DMXL1: variants seen among roughly 807,000 people sequenced by gnomAD.
The protein encoded by DMXL1 is dmX-like protein 1.
In DMXL1, 99 loss-of-function variants were observed where a neutral mutation model predicts 319.2. The observed-to-expected ratio is 0.31, with a 90% CI of 0.26 to 0.37. The LOEUF (loss-of-function observed/expected upper bound fraction) is 0.37, where lower values mean the gene tolerates loss of function less well. Among genes scored for constraint, DMXL1 ranks in the 10% least tolerant of loss-of-function variants. DMXL1 has a pLI of 1.00. For synonymous variants in DMXL1, 1,385 were observed against 1,235.2 expected (o/e 1.12, Z -2.54); for missense variants, 3,745 against 3,595.6 (o/e 1.04, Z -1.06).
chr5:119,089,036 C>T (rs967318549), intron 1 of DMXL1, among the ~76,000 whole-genome samples: 7 of 151,166 alleles, frequency 4.6e-5, no homozygotes, highest in African/African-American at 1.7e-4. Flanking sequence ...GAAGAACTCC[C>T]TTTAGCATTT....
intron 40 of DMXL1, 116 bp from the exon 41 acceptor site, chr5:119,238,873 G>A (rs945996872): frequency 1.7e-5 from 25 of 1,466,384 alleles, no homozygotes; most frequent in East Asian, 2.5e-5. Flanking sequence ...GGAAAAAAAC[G>A]ATACAGAGGA....
chr5:119,210,830 C>A (rs1239401033), intron 34 of DMXL1, among the ~76,000 whole-genome samples: 2 of 131,956 alleles, frequency 1.5e-5, no homozygotes, highest in Non-Finnish European at 3.1e-5. Flanking sequence ...GAAGTGATCA[C>A]CAGCAGACAT....
chr5:119,170,978 C>G lies in DMXL1; in HGVS notation c.6187C>G (p.Leu2063Val). The G allele has an allele frequency of 6.2e-7, 1 of 1,613,786 alleles. No homozygotes were observed. The highest frequency in any genetic ancestry group is 8.5e-7 in the Non-Finnish European group (1 of 1,179,888). The part of the protein sequence containing the change: ...GKLRYQLYHW[L>V]EKEVIALQRT... ...ATTGCGTTACCAACTATACCACTGGCTTGAAAAAGAGGTGATAGCTCTTCA... is the reference window on the plus strand; with the variant it reads ...ATTGCGTTACCAACTATACCACTGGGTTGAAAAAGAGGTGATAGCTCTTCA... Residue 2063 changes from leucine to valine, a missense_variant, in exon 24 of 44, where the codon CTT (leucine) becomes GTT (valine). This residue lies in a region of DMXL1 where 1,382 missense variants were observed against 1,269.5 expected (regional missense o/e 1.09). Transcript: ENST00000539542.
intron 8 of DMXL1, among the ~76,000 whole-genome samples, chr5:119,119,768 C>T (rs1761634576): frequency 6.6e-6 from 1 of 152,152 alleles, no homozygotes; most frequent in South Asian, 2.1e-4. Flanking sequence ...GCCTCGGCCT[C>T]CCAAAGGACT....
chr5:119,212,506 A>G (rs536386114), intron 34 of DMXL1, among the ~76,000 whole-genome samples: 3 of 152,326 alleles, frequency 2.0e-5, no homozygotes, highest in Admixed American at 6.5e-5. Flanking sequence ...TAATGGTGCT[A>G]TGAACATTGA....
At chr5:119,090,707 C>T (rs1219619199) in intron 1 of DMXL1, among the ~76,000 whole-genome samples, 2 of 151,736 alleles carry the variant, frequency 1.3e-5, no homozygotes, top group Non-Finnish European at 2.9e-5. Flanking sequence ...GGATTACCGG[C>T]GCCTGCTACC....
At chr5:119,134,428 T>A in intron 13 of DMXL1, 39 bp downstream of exon 13, 1 of 1,511,458 alleles carries the variant, frequency 6.6e-7, no homozygotes, top group South Asian at 1.2e-5. Context: ...GTATATAATA[T>A]TATGTTTTCA....
rs577898951 is a variant in DMXL1, at chr5:119,089,263, C to CAT, written c.88-8704_88-8703dup. Among the ~76,000 whole-genome samples the CAT allele has an allele frequency of 5.1e-3, 415 of 80,840 alleles. 5 individuals carry two copies. The highest frequency in any genetic ancestry group is 0.037 in the South Asian group (63 of 1,724). The allele number at this position is 80,840 out of a possible 152,430, so 53.0% of individuals were successfully genotyped here. Reference sequence around the variant, plus strand: ...ACAAATTGGAGCTCCATTATATATGCATATATATATATACATATATATATA... The same window carrying CAT: ...ACAAATTGGAGCTCCATTATATATGCATATATATATATATACATATATATATA... On this transcript the variant is annotated intron_variant, in intron 1 of 43. Transcript: ENST00000539542.
Position 119,170,624 on chromosome 5 carries a change from A to T in DMXL1, c.5833A>T (p.Asn1945Tyr). ...AGAGGGTTCCTCAGAGAAGCAATCA[A>T]ACTCCACTCTTTCTTTTGACTGGAG... ...SSEGSSEKQS[N>Y]STLSFDWSQP... Residue 1945 changes from asparagine to tyrosine, a missense_variant, in exon 24 of 44, where the codon AAC (asparagine) becomes TAC (tyrosine). By Grantham distance (143) the Asn-to-Tyr change is moderately radical. Coordinates refer to ENST00000539542, the MANE Select transcript of DMXL1 (RefSeq NM_001290321.3). 2 of 1,613,806 alleles carry T rather than the reference A, an allele frequency of 1.2e-6. No homozygotes were observed. Among genetic ancestry groups the T allele is most frequent in the East Asian group, 2.2e-5 (1 of 44,852 alleles).
intron 13 of DMXL1, among the ~76,000 whole-genome samples, chr5:119,143,396 G>A (rs1273172761): frequency 6.6e-6 from 1 of 151,954 alleles, no homozygotes; most frequent in Non-Finnish European, 1.5e-5. Flanking sequence ...TTTGAAAATA[G>A]ACCACTGAAT....
intron 15 of DMXL1, among the ~76,000 whole-genome samples, chr5:119,146,600 T>G (rs904555657): frequency 2.6e-5 from 4 of 152,048 alleles, no homozygotes; most frequent in African/African-American, 9.7e-5. Flanking sequence ...TGATGATGAC[T>G]GTAAACCTAT....
In DMXL1 at chr5:119,150,109, A is replaced by G; in HGVS notation, c.4282A>G (p.Asn1428Asp). Residue 1428 changes from asparagine (N) to aspartate (D), a missense_variant, in exon 18 of 44, where the codon AAT (asparagine) becomes GAT (aspartate). Physicochemically the swap from Asn to Asp is conservative, Grantham distance 23 (BLOSUM62 1). This residue lies in a region of DMXL1 where 2,096 missense variants were observed against 1,985.4 expected (regional missense o/e 1.06). Transcript: ENST00000539542. ...TTACTCATCTTTGGAGAAATCTAGT[A>G]ATGAGAGTACGTTAAGTAAATCAAA... Reference protein sequence around the residue: ...SCYSSLEKSSNESTLSKSNQL... With the variant: ...SCYSSLEKSSDESTLSKSNQL... 6.2e-7 allele frequency: 1 copy of G among 1,613,820 alleles called. No homozygotes were observed.
At chr5:119,081,004 C>G (rs1298309832) in intron 1 of DMXL1, among the ~76,000 whole-genome samples, 3 of 152,184 alleles carry the variant, frequency 2.0e-5, no homozygotes, top group Non-Finnish European at 2.9e-5. Flanking sequence ...GATGATCTTC[C>G]TATTTGTAGC....
chr5:119,238,456 TTGA>T (rs1788149219), intron 40 of DMXL1, among the ~76,000 whole-genome samples: 1 of 152,200 alleles, frequency 6.6e-6, no homozygotes, highest in Non-Finnish European at 1.5e-5. Context: ...TTTTCTAATT[TTGA>T]TGACTATTAG....
chr5:119,107,197 C>T (rs1051197160), intron 4 of DMXL1, among the ~76,000 whole-genome samples: 1 of 151,748 alleles, frequency 6.6e-6, no homozygotes, highest in African/African-American at 2.4e-5. Context: ...AAAAGTTAGT[C>T]AGGCTTGGTG....
At chr5:119,091,704 C>T (rs975904532) in intron 1 of DMXL1, among the ~76,000 whole-genome samples, 13 of 152,134 alleles carry the variant, frequency 8.5e-5, no homozygotes, top group African/African-American at 3.1e-4. Flanking sequence ...CATCAAAGGG[C>T]TGCCGTTCCT....
chr5:119,240,552 T>C, intron 42 of DMXL1, 81 bp downstream of exon 42: 1 of 1,008,774 alleles, frequency 9.9e-7, no homozygotes, highest in South Asian at 1.4e-5. Context: ...GATTTGTTAC[T>C]GATGACACAT....
chr5:119,071,692 G>A, intron 1 of DMXL1, 36 bp downstream of exon 1: 2 of 1,546,590 alleles, frequency 1.3e-6, no homozygotes, highest in Non-Finnish European at 1.7e-6. Context: ...CCCGTGGCCC[G>A]GCCTTTGCCC....
At chr5:119,172,648 T>A (rs1282291637) in intron 25 of DMXL1, among the ~76,000 whole-genome samples, 1 of 152,250 alleles carries the variant, frequency 6.6e-6, no homozygotes, top group South Asian at 2.1e-4. Flanking sequence ...CTGCTGTTAA[T>A]GTCATATTTT....
Sources: gnomAD v4.1 joint callset for allele counts (sites outside exome capture counted in the v4.1 genomes callset) on GRCh38, gnomAD v4.1.1 for gene constraint, gnomAD v4.1.1 regional missense constraint, MANE v1.5 for transcripts, NCBI Gene and HGNC (gene_info 2026-07-23, HGNC 2026-07-21) for gene names.